The following ZNF704 variants were observed in gnomAD, a reference collection of about 807,000 sequenced individuals.
ZNF704 encodes zinc finger protein 704, also known as glucocorticoid induced gene 1.
In ZNF704, 10 loss-of-function variants were observed where a neutral mutation model predicts 44.7. The ratio of observed to expected loss-of-function variants is 0.22; its 90% CI spans 0.14 to 0.38. ZNF704 has a LOEUF of 0.38. ZNF704 is among the 10% of genes least tolerant of loss of function. ZNF704 has a pLI of 1.00. For synonymous variants in ZNF704, 211 were observed against 207.6 expected, an observed-to-expected ratio of 1.02 and a Z score of -0.14; for missense variants, 390 against 545.5, an observed-to-expected ratio of 0.71 and a Z score of 2.84.
intron 3 of ZNF704, among the ~76,000 whole-genome samples, chr8:80,691,384 C>G (rs1818632795): frequency 6.6e-6 from 1 of 152,218 alleles, no homozygotes; most frequent in Non-Finnish European, 1.5e-5. Flanking sequence ...CACCAGTGAC[C>G]ACCTTCTTGA....
chr8:80,720,395 T>C lies in ZNF704; in HGVS notation c.222-27288A>G, dbSNP rs758983116. Among the ~76,000 whole-genome samples, 3 of 152,268 alleles carry C rather than the reference T, an allele frequency of 2.0e-5. No homozygotes were observed. The East Asian group carries it at 5.8e-4, about 29-fold the overall frequency. ...GAACTTTCTTCTCATAATGTTTATA[T>C]ATAGGCAATGCTAAAATATGAGGTA... On this transcript the variant is annotated intron_variant, in intron 2 of 8. Transcript: ENST00000327835.
At chr8:80,739,623 C>T (rs1396562874) in intron 2 of ZNF704, among the ~76,000 whole-genome samples, 1 of 152,142 alleles carries the variant, frequency 6.6e-6, no homozygotes, top group Non-Finnish European at 1.5e-5. Flanking sequence ...TTTCTCCTTA[C>T]CTATGTCTAT....
chr8:80,862,615 A>AAAAAAAAT lies in ZNF704; in HGVS notation c.-22+11955_-22+11956insATTTTTTT, dbSNP rs1450301838. On this transcript the variant is annotated intron_variant, in intron 1 of 8. Transcript: ENST00000327835. The stretch of plus-strand genomic sequence containing the variant: ...TCTCTACCAAAAAAAAAAAAAAAAA[A>AAAAAAAAT]TTAGTCAAATACGGTGGCACATGCC... Among the ~76,000 whole-genome samples the AAAAAAAAT allele has an allele frequency of 2.2e-3, 331 of 150,206 alleles. 2 individuals carry two copies. The highest frequency in any genetic ancestry group is 7.8e-3 in the African/African-American group (316 of 40,682).
intron 1 of ZNF704, among the ~76,000 whole-genome samples, chr8:80,846,993 C>T (rs867207759): frequency 1.3e-5 from 2 of 151,790 alleles, no homozygotes; most frequent in South Asian, 2.1e-4. Context: ...GCCAACGTGG[C>T]GAAACCCTGT....
chr8:80,646,572 C>G (rs112556874), intron 7 of ZNF704, among the ~76,000 whole-genome samples: 48 of 152,090 alleles, frequency 3.2e-4, no homozygotes, highest in African/African-American at 1.1e-3. Flanking sequence ...GGTCTTCATG[C>G]TAAAGTTGGG....
chr8:80,826,360 C>A (rs924843702), intron 1 of ZNF704, among the ~76,000 whole-genome samples: 19 of 152,094 alleles, frequency 1.2e-4, no homozygotes, highest in Non-Finnish European at 2.4e-4. Flanking sequence ...CACATATACC[C>A]TCCCAAGACT....
the ZNF704 span, among the ~76,000 whole-genome samples, chr8:80,879,795 G>A: frequency 1.3e-5 from 2 of 152,090 alleles, no homozygotes; most frequent in South Asian, 2.1e-4. Flanking sequence ...AATCTAAGAT[G>A]TGTAATTATT....
chr8:80,660,146 G>A (rs898996117), intron 6 of ZNF704, among the ~76,000 whole-genome samples: 25 of 152,054 alleles, frequency 1.6e-4, no homozygotes, highest in African/African-American at 3.9e-4. Context: ...AGAAATGTAC[G>A]CAAGAATGTT....
chr8:80,705,955 G>A (rs915843377), intron 2 of ZNF704, among the ~76,000 whole-genome samples: 1 of 152,170 alleles, frequency 6.6e-6, no homozygotes, highest in Non-Finnish European at 1.5e-5. Context: ...GTCACTCCTG[G>A]AGTCCTGGGG....
At chr8:80,674,037 A>G (rs1055379197) in intron 4 of ZNF704, among the ~76,000 whole-genome samples, 11 of 152,334 alleles carry the variant, frequency 7.2e-5, no homozygotes, top group African/African-American at 2.4e-4. Flanking sequence ...CCAGAGCTAC[A>G]TGAGTTACAG....
intron 1 of ZNF704, among the ~76,000 whole-genome samples, chr8:80,831,505 A>G (rs1808472370): frequency 6.6e-6 from 1 of 152,218 alleles, no homozygotes; most frequent in Non-Finnish European, 1.5e-5. Context: ...ATTCTTGTTA[A>G]TGGAAAACTT....
intron 1 of ZNF704, among the ~76,000 whole-genome samples, chr8:80,834,669 C>T (rs557222940): frequency 6.6e-6 from 1 of 152,264 alleles, no homozygotes; most frequent in African/African-American, 2.4e-5. Flanking sequence ...TGTCATAATG[C>T]TCTCCCTCCC....
chr8:80,706,135 AC>A (rs143417383), intron 2 of ZNF704, among the ~76,000 whole-genome samples: 1,772 of 152,336 alleles, frequency 0.012, 17 homozygotes, highest in Middle Eastern at 0.054. Flanking sequence ...TCTCACTCTT[AC>A]GTCTGTGTCC....
At chr8:80,661,720 T>C (rs1380394205) in intron 6 of ZNF704, among the ~76,000 whole-genome samples, 1 of 152,164 alleles carries the variant, frequency 6.6e-6, no homozygotes, top group Non-Finnish European at 1.5e-5. Context: ...TTCTCACTCA[T>C]ATGTGGGAAA....
intron 1 of ZNF704, among the ~76,000 whole-genome samples, chr8:80,863,017 A>G (rs2130047272): frequency 6.6e-6 from 1 of 151,764 alleles, no homozygotes; most frequent in African/African-American, 2.4e-5. Context: ...TTCAGTGTTT[A>G]CATAGGCTCA....
At chr8:80,726,482 A>C (rs1315357872) in intron 2 of ZNF704, among the ~76,000 whole-genome samples, 1 of 152,224 alleles carries the variant, frequency 6.6e-6, no homozygotes, top group East Asian at 1.9e-4. Context: ...AGGTGTCAGA[A>C]TAACTGTGGT....
chr8:80,708,607 G>T (rs142860449), intron 2 of ZNF704, among the ~76,000 whole-genome samples: 1 of 152,320 alleles, frequency 6.6e-6, no homozygotes, highest in East Asian at 1.9e-4. Context: ...TAGCTATCAG[G>T]TATAAATAAT....
intron 2 of ZNF704, among the ~76,000 whole-genome samples, chr8:80,785,644 A>G (rs1027805156): frequency 2.6e-5 from 4 of 152,150 alleles, no homozygotes; most frequent in South Asian, 2.1e-4. Context: ...CCACTGGCAG[A>G]TCCTTCTGTT....
intron 2 of ZNF704, among the ~76,000 whole-genome samples, chr8:80,766,687 T>C (rs918481259): frequency 6.6e-6 from 1 of 152,272 alleles, no homozygotes; most frequent in South Asian, 2.1e-4. Flanking sequence ...TAGAAGGACA[T>C]TACCGTTATC....
Sources: allele counts gnomAD v4.1 joint callset (sites outside exome capture counted in the v4.1 genomes callset), GRCh38; gene constraint gnomAD v4.1.1; transcripts MANE v1.5; gene names NCBI Gene and HGNC (gene_info 2026-07-23, HGNC 2026-07-21).